Variants in BCKDHB observed in about 807,000 individuals in gnomAD.
BCKDHB encodes 2-oxoisovalerate dehydrogenase subunit beta, mitochondrial.
In BCKDHB, 41 loss-of-function variants were observed where a neutral mutation model predicts 48.5. That is an observed-to-expected ratio of 0.85 (90% CI 0.66 to 1.10). The LOEUF is 1.10. Among genes scored for constraint, BCKDHB ranks in the 50% least tolerant of loss-of-function variants. The pLI, the probability that BCKDHB is intolerant of heterozygous loss-of-function variation, is 0.00. For missense variants in BCKDHB, 496 were observed against 494.2 expected (o/e 1.00, Z -0.03); for synonymous variants, 201 against 174.8 (o/e 1.15, Z -1.18).
the BCKDHB span, among the ~76,000 whole-genome samples, chr6:80,385,805 A>C: frequency 1.3e-5 from 2 of 152,218 alleles, no homozygotes; most frequent in African/African-American, 4.8e-5. Context: ...TATAAACAGG[A>C]ATCTGGACAA....
intron 6 of BCKDHB, among the ~76,000 whole-genome samples, chr6:80,175,958 A>G (rs1773131995): frequency 6.6e-6 from 1 of 152,188 alleles, no homozygotes; most frequent in East Asian, 1.9e-4. Flanking sequence ...ACAAGAACAA[A>G]ATAGAACTTG....
At chr6:80,234,943 A>G (rs1168620792) in intron 8 of BCKDHB, among the ~76,000 whole-genome samples, 1 of 152,154 alleles carries the variant, frequency 6.6e-6, no homozygotes, top group Non-Finnish European at 1.5e-5. Context: ...GTTCTCATTC[A>G]TATGTGAGAG....
intron 9 of BCKDHB, among the ~76,000 whole-genome samples, chr6:80,288,985 T>C (rs1419164624): frequency 6.6e-6 from 1 of 152,102 alleles, no homozygotes; most frequent in African/African-American, 2.4e-5. Flanking sequence ...ACAGAGCATA[T>C]CTGTGTGTAT....
intron 9 of BCKDHB, among the ~76,000 whole-genome samples, chr6:80,336,634 T>C (rs1769609969): frequency 6.6e-6 from 1 of 152,034 alleles, no homozygotes; most frequent in Non-Finnish European, 1.5e-5. Context: ...GATTTTAATT[T>C]AGTCAAGATT....
At chr6:80,106,633 T>C (rs1769060127), upstream of BCKDHB, 2 of 1,521,486 alleles carry the variant, frequency 1.3e-6, no homozygotes, top group South Asian at 2.5e-5. Context: ...CCTCGGGTGC[T>C]CCGCCCTCCC....
intron 9 of BCKDHB, among the ~76,000 whole-genome samples, chr6:80,286,711 T>C (rs78677728): frequency 0.031 from 4,662 of 152,274 alleles, 86 homozygotes; most frequent in East Asian, 0.052. Flanking sequence ...CTTTCAACTA[T>C]GAAACCAGCA....
chr6:80,408,876 G>T, the BCKDHB span, among the ~76,000 whole-genome samples: 207 of 148,856 alleles, frequency 1.4e-3, no homozygotes, highest in African/African-American at 5.1e-3. Context: ...ATCTCCTTCA[G>T]TGCTGCTCTG....
At chr6:80,168,845 C>T in intron 4 of BCKDHB, 30 bp from the exon 5 acceptor site, 2 of 1,609,976 alleles carry the variant, frequency 1.2e-6, no homozygotes, top group Middle Eastern at 1.7e-4. Flanking sequence ...ACTCATTGTG[C>T]CATGCCCCGT....
At chr6:80,230,823 C>A (rs1057468285) in intron 8 of BCKDHB, among the ~76,000 whole-genome samples, 1 of 152,148 alleles carries the variant, frequency 6.6e-6, no homozygotes, top group African/African-American at 2.4e-5. Flanking sequence ...AGAACCCACT[C>A]GTGATAAAGT....
intron 6 of BCKDHB, among the ~76,000 whole-genome samples, chr6:80,197,050 G>T (rs1324236176): frequency 1.1e-4 from 16 of 152,152 alleles, no homozygotes; most frequent in Admixed American, 9.2e-4. Flanking sequence ...AGCGGTGTCA[G>T]TTAGTCCCAC....
At chr6:80,245,849 G>A (rs1433343780) in intron 8 of BCKDHB, among the ~76,000 whole-genome samples, 2 of 152,200 alleles carry the variant, frequency 1.3e-5, no homozygotes, top group East Asian at 1.9e-4. Context: ...GCCGAGGCAG[G>A]TGGATCACTT....
chr6:80,232,595 G>A (rs916969676), intron 8 of BCKDHB, among the ~76,000 whole-genome samples: 2 of 149,364 alleles, frequency 1.3e-5, no homozygotes, highest in South Asian at 4.2e-4. Flanking sequence ...TATATATACT[G>A]TATATATACT....
At chr6:80,216,157 G>A (rs1775162225) in intron 8 of BCKDHB, among the ~76,000 whole-genome samples, 1 of 152,138 alleles carries the variant, frequency 6.6e-6, no homozygotes, top group Non-Finnish European at 1.5e-5. Context: ...TTAGACATCA[G>A]TGTCATTATT....
chr6:80,134,806 G>T (rs1770803670), intron 3 of BCKDHB, among the ~76,000 whole-genome samples: 1 of 152,012 alleles, frequency 6.6e-6, no homozygotes, highest in Admixed American at 6.6e-5. Flanking sequence ...AGGCTGGAGT[G>T]CAGTGGCGAG....
chr6:80,370,850 G>A, the BCKDHB span, among the ~76,000 whole-genome samples: 6 of 151,408 alleles, frequency 4.0e-5, no homozygotes, highest in African/African-American at 7.3e-5. Context: ...TTGTGTGTGT[G>A]TATATATATA....
At chr6:80,324,580 C>T (rs983767049) in intron 9 of BCKDHB, among the ~76,000 whole-genome samples, 1 of 152,136 alleles carries the variant, frequency 6.6e-6, no homozygotes, top group African/African-American at 2.4e-5. Flanking sequence ...GTCTCAGCTA[C>T]TCCCCTAGGG....
intron 9 of BCKDHB, among the ~76,000 whole-genome samples, chr6:80,334,418 C>T (rs991850076): frequency 1.3e-5 from 2 of 151,910 alleles, no homozygotes; most frequent in East Asian, 1.9e-4. Flanking sequence ...TTTGAGAGTA[C>T]AAAGATAAAT....
At chr6:80,120,293 G>C (rs1769935875) in intron 1 of BCKDHB, among the ~76,000 whole-genome samples, 5 of 145,818 alleles carry the variant, frequency 3.4e-5, no homozygotes. Flanking sequence ...CCAAGTCTTT[G>C]CTATTGTGAA....
chr6:80,279,335 A>G (rs1266459036), intron 9 of BCKDHB, among the ~76,000 whole-genome samples: 3 of 151,736 alleles, frequency 2.0e-5, no homozygotes, highest in South Asian at 4.2e-4. Flanking sequence ...TTGTATTTCT[A>G]GTAGAGACAG....
Sources: allele counts gnomAD v4.1 joint callset (sites outside exome capture counted in the v4.1 genomes callset), GRCh38; gene constraint gnomAD v4.1.1; transcripts MANE v1.5; gene names NCBI Gene and HGNC (gene_info 2026-07-23, HGNC 2026-07-21).